PLA2G4A: variants seen among roughly 807,000 people sequenced by gnomAD.
PLA2G4A encodes cytosolic phospholipase A2.
A neutral mutation model predicts 81.9 loss-of-function variants in PLA2G4A; 40 were observed. The observed-to-expected ratio is 0.49, with a 90% CI of 0.38 to 0.64. The LOEUF is 0.64. PLA2G4A is among the 30% of genes least tolerant of loss of function. The pLI, the probability that PLA2G4A is intolerant of heterozygous loss-of-function variation, is 0.00. For missense variants in PLA2G4A, 715 were observed against 905.1 expected, an observed-to-expected ratio of 0.79 and a Z score of 2.69; for synonymous variants, 302 against 296.9, an observed-to-expected ratio of 1.02 and a Z score of -0.18.
At chr1:186,963,892 C>T (rs895661793) in intron 14 of PLA2G4A, among the ~76,000 whole-genome samples, 19 of 152,192 alleles carry the variant, frequency 1.2e-4, no homozygotes, top group African/African-American at 4.3e-4. Context: ...TTTACTTCAA[C>T]TTTTATTTAT....
chr1:186,981,500 T>C (rs922093637), intron 17 of PLA2G4A, among the ~76,000 whole-genome samples: 6 of 152,196 alleles, frequency 3.9e-5, no homozygotes, highest in Non-Finnish European at 7.4e-5. Flanking sequence ...CATCAAATGT[T>C]GATTCTTCAG....
At chr1:186,872,357 C>A (rs1003719200) in intron 3 of PLA2G4A, among the ~76,000 whole-genome samples, 1 of 151,982 alleles carries the variant, frequency 6.6e-6, no homozygotes, top group Non-Finnish European at 1.5e-5. Flanking sequence ...AAAAGGCGTG[C>A]GTTTTACAAC....
At chr1:186,901,729 G>A (rs966395766) in intron 5 of PLA2G4A, among the ~76,000 whole-genome samples, 3 of 152,144 alleles carry the variant, frequency 2.0e-5, no homozygotes, top group African/African-American at 7.2e-5. Context: ...AGGAACATGA[G>A]ATTATCATCA....
At position 186,932,848 on chromosome 1, in the gene PLA2G4A, C is replaced by T; in HGVS notation, c.644C>T (p.Ser215Leu). Residue 215 changes from serine to leucine, a missense_variant, in exon 8 of 18, where the codon TCA becomes TTA. Transcript: ENST00000367466. ...FSGVMKALYE[S>L]GILDCATYVA... The stretch of plus-strand genomic sequence containing the variant: ...GGTGTGATGAAGGCATTATACGAAT[C>T]AGGAATTCTGGATTGTGCTACCTAC... 1 of 1,613,084 alleles carries T rather than the reference C, an allele frequency of 6.2e-7. No individual in the cohort carries two copies. Among genetic ancestry groups the T allele is most frequent in the Non-Finnish European group, 8.5e-7 (1 of 1,179,088 alleles).
chr1:186,946,223 A>C (rs1377880553), intron 10 of PLA2G4A, among the ~76,000 whole-genome samples: 1 of 152,200 alleles, frequency 6.6e-6, no homozygotes, highest in African/African-American at 2.4e-5. Flanking sequence ...GATAAATGTT[A>C]GAAAACATTT....
At chr1:186,864,514 C>A (rs140332501) in intron 2 of PLA2G4A, among the ~76,000 whole-genome samples, 250 of 151,962 alleles carry the variant, frequency 1.6e-3, no homozygotes, top group African/African-American at 5.8e-3. Context: ...GAGGTAATAT[C>A]TCATCGTGGT....
intron 7 of PLA2G4A, among the ~76,000 whole-genome samples, chr1:186,924,486 C>G (rs1412217425): frequency 2.6e-5 from 4 of 152,172 alleles, no homozygotes. Flanking sequence ...CTTTGGTGTT[C>G]TTTACCAGCT....
In PLA2G4A at chr1:186,853,476, G is replaced by A. The variant is rs111660457; in HGVS notation, c.-69-810G>A. ...AGAAAGATCACTAAAAATTTAAAAC[G>A]AATTTGATTTATTTTGAAATAAAAA... On this transcript the variant is annotated intron_variant, in intron 1 of 17. Transcript: ENST00000367466. Among the ~76,000 whole-genome samples, 245 of 151,706 alleles carry A rather than the reference G, an allele frequency of 1.6e-3. 5 individuals are homozygous for A. The highest frequency in any genetic ancestry group is 5.7e-3 in the African/African-American group (237 of 41,468).
At chr1:186,897,603 A>T (rs2102123714) in intron 5 of PLA2G4A, among the ~76,000 whole-genome samples, 1 of 152,072 alleles carries the variant, frequency 6.6e-6, no homozygotes, top group Admixed American at 6.5e-5. Context: ...CTGCCTCCCA[A>T]GTTCAAGCCA....
At chr1:186,899,456 A>G (rs1018536804) in intron 5 of PLA2G4A, among the ~76,000 whole-genome samples, 1 of 152,098 alleles carries the variant, frequency 6.6e-6, no homozygotes, top group African/African-American at 2.4e-5. Flanking sequence ...GGGTCTCTAA[A>G]GGGGCAGAAG....
At chr1:186,975,338 A>C (rs962185714) in intron 15 of PLA2G4A, among the ~76,000 whole-genome samples, 1 of 152,246 alleles carries the variant, frequency 6.6e-6, no homozygotes, top group South Asian at 2.1e-4. Flanking sequence ...TATACATTAA[A>C]TCCTTTGTTC....
intron 14 of PLA2G4A, among the ~76,000 whole-genome samples, chr1:186,959,684 G>A (rs1656880806): frequency 6.6e-6 from 1 of 152,098 alleles, no homozygotes; most frequent in African/African-American, 2.4e-5. Flanking sequence ...TACAAAGATA[G>A]ATCTGATTTA....
chr1:186,868,071 CTTTTTTT>C (rs59978011), intron 2 of PLA2G4A, among the ~76,000 whole-genome samples: 11,863 of 112,942 alleles, frequency 0.11, 595 homozygotes, highest in Middle Eastern at 0.22. Flanking sequence ...GTGTATAATT[CTTTTTTT>C]TTTTTTTTTT....
At chr1:186,833,481 C>G (rs1651671590) in intron 1 of PLA2G4A, among the ~76,000 whole-genome samples, 4 of 152,168 alleles carry the variant, frequency 2.6e-5, no homozygotes, top group African/African-American at 9.7e-5. Flanking sequence ...TTCTGGCCAA[C>G]TCTTTGTCTT....
chr1:186,913,994 A>T (rs1451692438), intron 7 of PLA2G4A, among the ~76,000 whole-genome samples: 2 of 152,118 alleles, frequency 1.3e-5, no homozygotes, highest in African/African-American at 4.8e-5. Flanking sequence ...GCTTAAGGGG[A>T]ATTTTTGCTT....
chr1:186,908,968 CTTTTTT>C (rs1201226836), intron 6 of PLA2G4A, among the ~76,000 whole-genome samples: 2 of 75,088 alleles, frequency 2.7e-5, no homozygotes, highest in Non-Finnish European at 4.7e-5. Context: ...CTTTTCTTTT[CTTTTTT>C]TTTTTTTTTT....
At chr1:186,958,329 A>G (rs1656827666) in intron 14 of PLA2G4A, among the ~76,000 whole-genome samples, 1 of 152,186 alleles carries the variant, frequency 6.6e-6, no homozygotes, top group African/African-American at 2.4e-5. Context: ...CAAAATAAAA[A>G]TACACTTAAC....
rs564604693 is a variant in PLA2G4A at position 186,865,780 on chromosome 1, G to A, written c.34-4655G>A. 2.0e-5 allele frequency among the ~76,000 whole-genome samples: 3 copies of A among 152,030 alleles called. No individual in the cohort carries two copies. The South Asian group carries it at 6.2e-4, about 32-fold the overall frequency. ...CATCAAATTGATTTGGTATAAATTG[G>A]TTCTTTTTTTCAATGCCAATCATAG... On this transcript the variant is annotated intron_variant, in intron 2 of 17. Coordinates refer to ENST00000367466, the MANE Select transcript of PLA2G4A (RefSeq NM_024420.3).
intron 7 of PLA2G4A, among the ~76,000 whole-genome samples, chr1:186,918,283 T>A (rs191924918): frequency 1.3e-5 from 2 of 152,308 alleles, no homozygotes; most frequent in African/African-American, 4.8e-5. Flanking sequence ...GACTGCCACC[T>A]TCTGAGGTTT....
Sources: gnomAD v4.1 joint callset for allele counts (sites outside exome capture counted in the v4.1 genomes callset) on GRCh38, gnomAD v4.1.1 for gene constraint, MANE v1.5 for transcripts, NCBI Gene and HGNC (gene_info 2026-07-23, HGNC 2026-07-21) for gene names.